RBMS1: variants seen among roughly 807,000 people sequenced by gnomAD.
RBMS1 encodes the protein RNA binding motif single stranded interacting protein 1.
In RBMS1, 17 loss-of-function variants were observed where a neutral mutation model predicts 62.3. That is an observed-to-expected ratio of 0.27 (90% confidence interval 0.19 to 0.41). RBMS1 has a LOEUF of 0.41. Among genes scored for constraint, RBMS1 ranks in the 10% least tolerant of loss-of-function variants. The pLI, the probability that RBMS1 is intolerant of heterozygous loss-of-function variation, is 1.00. For synonymous variants in RBMS1, 172 were observed against 170.0 expected (o/e 1.01, Z -0.09); for missense variants, 334 against 504.5 (o/e 0.66, Z 3.24).
At chr2:160,287,937 C>T (rs1328675772) in intron 6 of RBMS1, among the ~76,000 whole-genome samples, 1 of 149,706 alleles carries the variant, frequency 6.7e-6, no homozygotes, top group African/African-American at 2.4e-5. Context: ...ATATATATTA[C>T]TATATACCTA....
chr2:160,419,872 C>A (rs1253875050), intron 1 of RBMS1, among the ~76,000 whole-genome samples: 1 of 152,174 alleles, frequency 6.6e-6, no homozygotes, highest in Non-Finnish European at 1.5e-5. Flanking sequence ...ACAAAGGTTA[C>A]AGTAAACCCA....
chr2:160,364,134 GTGTT>G (rs1250182829), intron 2 of RBMS1, among the ~76,000 whole-genome samples: 5 of 152,206 alleles, frequency 3.3e-5, no homozygotes, highest in African/African-American at 1.2e-4. Context: ...GTCAAGCAGA[GTGTT>G]TGTTTGGCTT....
chr2:160,444,858 G>A (rs892166057), intron 1 of RBMS1, among the ~76,000 whole-genome samples: 16 of 152,176 alleles, frequency 1.1e-4, no homozygotes, highest in African/African-American at 3.6e-4. Flanking sequence ...ACAGCAAGGA[G>A]ACACCCTTGG....
intron 4 of RBMS1, among the ~76,000 whole-genome samples, chr2:160,311,214 A>ATC (rs1382938671): frequency 3.3e-4 from 20 of 60,258 alleles, no homozygotes; most frequent in African/African-American, 1.0e-3. Flanking sequence ...AAAAAAATCT[A>ATC]TCTATCTATC....
At chr2:160,492,920 C>T (rs969776243) in intron 1 of RBMS1, 1 of 211,290 alleles carries the variant, frequency 4.7e-6, no homozygotes, top group Non-Finnish European at 9.3e-6. Flanking sequence ...GTCGAAAAGC[C>T]GGGCCACCAG....
chr2:160,427,501 G>A (rs985031470), intron 1 of RBMS1, among the ~76,000 whole-genome samples: 5 of 152,048 alleles, frequency 3.3e-5, no homozygotes, highest in Non-Finnish European at 7.4e-5. Context: ...AAACATATAT[G>A]TTTATCTGTA....
intron 4 of RBMS1, among the ~76,000 whole-genome samples, chr2:160,307,409 C>T (rs1015395310): frequency 7.1e-4 from 83 of 116,232 alleles, no homozygotes; most frequent in Non-Finnish European, 1.2e-3. Context: ...AGCCAAAAAA[C>T]ATATGAGGAT....
At chr2:160,480,083 G>T (rs1329811413) in intron 1 of RBMS1, among the ~76,000 whole-genome samples, 2 of 152,074 alleles carry the variant, frequency 1.3e-5, no homozygotes, top group Non-Finnish European at 2.9e-5. Context: ...TGGTATCTAA[G>T]CAGCAATTCC....
intron 1 of RBMS1, among the ~76,000 whole-genome samples, chr2:160,434,165 T>C (rs1449357545): frequency 6.6e-6 from 1 of 152,132 alleles, no homozygotes; most frequent in African/African-American, 2.4e-5. Flanking sequence ...TGTTATAAAA[T>C]AAAACGTTTA....
At chr2:160,416,189 C>T (rs1367155312) in intron 1 of RBMS1, 2 of 150,146 alleles carry the variant, frequency 1.3e-5, no homozygotes, top group Non-Finnish European at 3.0e-5. Context: ...GAGGAAATTC[C>T]GATGTTGCCA....
In RBMS1 at chr2:160,318,332, A is replaced by G. The variant is rs555025702; in HGVS notation, c.252-105T>C. The G allele has an allele frequency of 2.9e-6, 4 of 1,392,216 alleles. No homozygotes were observed. In the East Asian group the frequency reaches 1.1e-4, roughly 39 times the overall value. 86.2% of individuals were successfully genotyped at this position (1,392,216 alleles called of 1,614,324 possible). On this transcript the variant is annotated intron_variant, in intron 2 of 13. Transcript: ENST00000348849. Reference sequence around the variant, plus strand: ...AATCCAAAGAACACACATTCTTTTCAAACATCTGCAAACTTTAGAGTACAA... The same window carrying G: ...AATCCAAAGAACACACATTCTTTTCGAACATCTGCAAACTTTAGAGTACAA...
intron 1 of RBMS1, among the ~76,000 whole-genome samples, chr2:160,434,302 T>C (rs1317932839): frequency 1.3e-5 from 2 of 152,208 alleles, no homozygotes; most frequent in African/African-American, 2.4e-5. Context: ...CTTTGGGCAA[T>C]ACATATATAT....
chr2:160,335,043 A>G (rs779978508), intron 2 of RBMS1, among the ~76,000 whole-genome samples: 2 of 152,106 alleles, frequency 1.3e-5, no homozygotes, highest in Non-Finnish European at 2.9e-5. Context: ...GTTCCAATCA[A>G]CCCTGCAGAA....
chr2:160,447,601 A>G (rs1222055527), intron 1 of RBMS1, among the ~76,000 whole-genome samples: 1 of 152,240 alleles, frequency 6.6e-6, no homozygotes, highest in Non-Finnish European at 1.5e-5. Flanking sequence ...GCTGAACTGT[A>G]AGTTCCTGGA....
At chr2:160,340,851 T>A (rs921636385) in intron 2 of RBMS1, among the ~76,000 whole-genome samples, 1 of 152,208 alleles carries the variant, frequency 6.6e-6, no homozygotes, top group Non-Finnish European at 1.5e-5. Flanking sequence ...GTAAAACTCA[T>A]GTAAGTCTTA....
chr2:160,285,099 AT>A, intron 7 of RBMS1, 55 bp from the exon 8 acceptor site: 2 of 1,562,698 alleles, frequency 1.3e-6, no homozygotes, highest in South Asian at 2.2e-5. Flanking sequence ...TGATTTAAAA[AT>A]TCTATTTTTA....
rs552447175 is a variant in RBMS1 at position 160,423,176 on chromosome 2, A to G, written c.76-55785T>C. Among the ~76,000 whole-genome samples, 44 of 152,234 alleles carry G rather than the reference A, an allele frequency of 2.9e-4. 1 individual carries two copies. The highest frequency in any genetic ancestry group is 1.8e-3 in the Admixed American group (28 of 15,292). On this transcript the variant is annotated intron_variant, in intron 1 of 13. Transcript: ENST00000348849. ...CTTGACTTTCCCCAGCCCAACTTCT[A>G]TACCAGTTTGATTGCTTGCTTTTCT...
chr2:160,376,913 C>T lies in RBMS1; in HGVS notation c.76-9522G>A, dbSNP rs1029965663. Reference sequence around the variant, plus strand: ...TTGAACTCAGCTTCAAGAGATCCTCCTGCCTCAGCCTTTCAAAGTGCTGGG... The same window carrying T: ...TTGAACTCAGCTTCAAGAGATCCTCTTGCCTCAGCCTTTCAAAGTGCTGGG... On this transcript the variant is annotated intron_variant, in intron 1 of 13. Transcript: ENST00000348849. Among the ~76,000 whole-genome samples the T allele has an allele frequency of 3.9e-5, 6 of 152,288 alleles. No individual in the cohort carries two copies. The South Asian group carries it at 1.2e-3, about 32-fold the overall frequency.
At chr2:160,280,304 T>C (rs1168670924) in intron 10 of RBMS1, among the ~76,000 whole-genome samples, 1 of 152,206 alleles carries the variant, frequency 6.6e-6, no homozygotes, top group Non-Finnish European at 1.5e-5. Flanking sequence ...TAGATCTATA[T>C]GTATGTGTAT....
Sources: gnomAD v4.1 joint callset for allele counts (sites outside exome capture counted in the v4.1 genomes callset) on GRCh38, gnomAD v4.1.1 for gene constraint, MANE v1.5 for transcripts, NCBI Gene and HGNC (gene_info 2026-07-23, HGNC 2026-07-21) for gene names.